The following EVL variants were observed in gnomAD, a reference collection of about 807,000 sequenced individuals.
EVL encodes ena/VASP-like protein.
EVL carries 21 observed loss-of-function variants against 59.6 expected under a neutral mutation model. The observed-to-expected ratio is 0.35, with a 90% CI of 0.25 to 0.51. The LOEUF (loss-of-function observed/expected upper bound fraction) is 0.51, where lower values mean the gene tolerates loss of function less well. EVL is among the 20% of genes least tolerant of loss of function. EVL has a pLI of 0.97. For synonymous variants in EVL, 198 were observed against 203.5 expected, an observed-to-expected ratio of 0.97 and a Z score of 0.23; for missense variants, 462 against 546.6, an observed-to-expected ratio of 0.85 and a Z score of 1.54.
intron 1 of EVL, among the ~76,000 whole-genome samples, chr14:100,006,826 AG>A (rs2060985526): frequency 2.7e-5 from 4 of 150,684 alleles, no homozygotes; most frequent in African/African-American, 9.8e-5. Flanking sequence ...AAAAAAAAAA[AG>A]GAGTTGTACA....
intron 1 of EVL, among the ~76,000 whole-genome samples, chr14:100,028,051 T>A (rs1326261417): frequency 3.3e-5 from 5 of 152,186 alleles, no homozygotes; most frequent in African/African-American, 1.2e-4. Context: ...GTATACCAAT[T>A]TCCTTTCTTT....
intron 1 of EVL, chr14:100,019,708 A>G (rs1040062255): frequency 1.4e-5 from 22 of 1,531,640 alleles, no homozygotes; most frequent in African/African-American, 2.7e-5. Flanking sequence ...GGCTTTCTAC[A>G]TCAGTCTGCT....
At chr14:100,098,694 G>T (rs1178693916) in intron 3 of EVL, among the ~76,000 whole-genome samples, 1 of 152,178 alleles carries the variant, frequency 6.6e-6, no homozygotes, top group East Asian at 1.9e-4. Flanking sequence ...TCCTGCCATC[G>T]GCTGGAGAGC....
intron 1 of EVL, among the ~76,000 whole-genome samples, chr14:100,028,604 A>T (rs910434962): frequency 1.3e-5 from 2 of 152,128 alleles, no homozygotes; most frequent in African/African-American, 2.4e-5. Flanking sequence ...TGAGGTCAAG[A>T]GATCAGCGCC....
intron 3 of EVL, among the ~76,000 whole-genome samples, chr14:100,111,610 AC>A (rs1349891777): frequency 6.6e-6 from 1 of 152,040 alleles, no homozygotes; most frequent in Non-Finnish European, 1.5e-5. Flanking sequence ...CTGGGATCTC[AC>A]CCCTCAGTCG....
intron 1 of EVL, among the ~76,000 whole-genome samples, chr14:100,016,078 CAA>C (rs756318037): frequency 7.3e-4 from 66 of 90,136 alleles, no homozygotes; most frequent in African/African-American, 1.8e-3. Context: ...GACTCTGTCT[CAA>C]AAAAAAAAAA....
chr14:100,067,763 CAG>C (rs1298407026), intron 1 of EVL, among the ~76,000 whole-genome samples: 1 of 152,168 alleles, frequency 6.6e-6, no homozygotes, highest in African/African-American at 2.4e-5. Context: ...CCTCTGTCCT[CAG>C]GGACTGGTAG....
intron 1 of EVL, among the ~76,000 whole-genome samples, chr14:100,035,590 A>C: frequency 6.6e-6 from 1 of 152,028 alleles, no homozygotes; most frequent in East Asian, 1.9e-4. Flanking sequence ...ACCCTCTTTG[A>C]GACATTTGTT....
chr14:100,033,633 A>T (rs953587051), intron 1 of EVL, among the ~76,000 whole-genome samples: 2 of 152,214 alleles, frequency 1.3e-5, no homozygotes. Flanking sequence ...TGGCTCTCTC[A>T]CACTTACTGA....
Position 100,128,671 on chromosome 14 carries a change from G to A in EVL, c.640G>A (p.Gly214Arg), listed in dbSNP as rs1003205663. ...CCCACTGCCAGCCGGAGGAGCCCAG[G>A]GGTCCAGCCACGACGAGAGCTCCAT... ...PPPLPAGGAQ[G>R]SSHDESSMSG... Residue 214 changes from glycine (G) to arginine (R), a missense_variant, in exon 6 of 14, where the codon GGG becomes AGG. Coordinates refer to ENST00000392920, the MANE Select transcript of EVL (RefSeq NM_016337.3). 3 of 1,574,844 alleles carry A rather than the reference G, an allele frequency of 1.9e-6. No individual in the cohort carries two copies. The highest frequency in any genetic ancestry group is 2.6e-6 in the Non-Finnish European group (3 of 1,158,818).
intron 1 of EVL, among the ~76,000 whole-genome samples, chr14:100,012,293 C>G (rs1416393851): frequency 1.3e-5 from 2 of 152,206 alleles, no homozygotes; most frequent in African/African-American, 4.8e-5. Context: ...TTGGAAAGGC[C>G]TGAAGTGCGT....
chr14:100,070,384 C>G (rs1454600766), intron 1 of EVL, among the ~76,000 whole-genome samples: 2 of 152,208 alleles, frequency 1.3e-5, no homozygotes, highest in African/African-American at 2.4e-5. Context: ...TTTAACTTCT[C>G]AAAGCTAAAC....
chr14:100,110,820 G>A (rs952417494), intron 3 of EVL, among the ~76,000 whole-genome samples: 1 of 152,204 alleles, frequency 6.6e-6, no homozygotes, highest in Non-Finnish European at 1.5e-5. Flanking sequence ...TCTCCCTAAC[G>A]CTAATGGCGA....
intron 1 of EVL, among the ~76,000 whole-genome samples, chr14:99,973,745 G>C (rs2060751191): frequency 6.6e-6 from 1 of 152,168 alleles, no homozygotes; most frequent in Non-Finnish European, 1.5e-5. Flanking sequence ...TTACAGGCAT[G>C]AGCCACCGAA....
chr14:100,143,608 C>G, intron 13 of EVL, 93 bp from the exon 14 acceptor site: 1 of 1,486,736 alleles, frequency 6.7e-7, no homozygotes, highest in African/African-American at 1.4e-5. Context: ...GGACACATAC[C>G]AGGCAGGTCC....
intron 2 of EVL, among the ~76,000 whole-genome samples, chr14:100,090,761 G>A (rs549360988): frequency 7.2e-5 from 11 of 152,200 alleles, no homozygotes; most frequent in Non-Finnish European, 1.3e-4. Context: ...AAGTACAAAA[G>A]TGATTTATTT....
chr14:100,030,051 T>C (rs1461890183), intron 1 of EVL, among the ~76,000 whole-genome samples: 1 of 152,134 alleles, frequency 6.6e-6, no homozygotes, highest in Non-Finnish European at 1.5e-5. Flanking sequence ...AATGGGACTA[T>C]TACCAATCTC....
chr14:100,125,994 A>G (rs1888048012), intron 4 of EVL, among the ~76,000 whole-genome samples: 1 of 152,172 alleles, frequency 6.6e-6, no homozygotes. Flanking sequence ...AGTTTGCACC[A>G]CACGAGCTGA....
intron 3 of EVL, among the ~76,000 whole-genome samples, chr14:100,121,842 C>T (rs576100709): frequency 9.8e-5 from 15 of 152,334 alleles, no homozygotes; most frequent in African/African-American, 3.4e-4. Context: ...AAGGATCTTG[C>T]GACAGCTGGT....
Sources: gnomAD v4.1 joint callset for allele counts (sites outside exome capture counted in the v4.1 genomes callset) on GRCh38, gnomAD v4.1.1 for gene constraint, MANE v1.5 for transcripts, NCBI Gene and HGNC (gene_info 2026-07-23, HGNC 2026-07-21) for gene names.